PCDHGA9: variants seen among roughly 807,000 people sequenced by gnomAD.
PCDHGA9 encodes protocadherin gamma-A9.
PCDHGA9 carries 37 observed loss-of-function variants against 62.5 expected under a neutral mutation model. The ratio of observed to expected loss-of-function variants is 0.59; its 90% CI spans 0.46 to 0.78. PCDHGA9 has a LOEUF of 0.78. Ranked by LOEUF, PCDHGA9 falls within the 30% of genes least tolerant of loss-of-function variation. The pLI is 0.00. For synonymous variants in PCDHGA9, 459 were observed against 484.6 expected (o/e 0.95, Z 0.69); for missense variants, 1,138 against 1,166.2 (o/e 0.98, Z 0.35).
chr5:141,418,693 T>G, intron 1 of PCDHGA9: 1 of 1,614,040 alleles, frequency 6.2e-7, no homozygotes, highest in Admixed American at 1.7e-5. Flanking sequence ...CAGAGATCAC[T>G]TATTCCTTCT....
intron 1 of PCDHGA9, chr5:141,405,646 T>G: frequency 1.9e-6 from 1 of 526,208 alleles, no homozygotes; most frequent in East Asian, 3.2e-5. Flanking sequence ...GGCTAATTTT[T>G]TGTGTGTTTT....
In PCDHGA9 at chr5:141,432,293, G is replaced by T. The variant is rs765631138; in HGVS notation, c.2424+26917G>T. ...CTACGTGTCCATCAACTCCGACACT[G>T]GGGTACTGTATGCGCTGAGCTCCTT... On this transcript the variant is annotated intron_variant, in intron 1 of 3. Coordinates refer to ENST00000573521, the MANE Select transcript of PCDHGA9 (RefSeq NM_018921.3). The surrounding 1 kb of genome is among the most constrained non-coding windows in gnomAD (Gnocchi z 6.0). 1.2e-6 allele frequency: 2 copies of T among 1,614,136 alleles called. No individual in the cohort carries two copies. Among genetic ancestry groups the T allele is most frequent in the African/African-American group, 1.3e-5 (1 of 74,950 alleles).
chr5:141,423,085 G>A, intron 1 of PCDHGA9: 1 of 1,614,072 alleles, frequency 6.2e-7, no homozygotes, highest in Non-Finnish European at 8.5e-7. Flanking sequence ...ACTCTTCGCG[G>A]TGGGGGAGCA....
intron 1 of PCDHGA9, among the ~76,000 whole-genome samples, chr5:141,448,007 AC>A (rs1430481139): frequency 1.3e-5 from 2 of 151,784 alleles, no homozygotes; most frequent in Non-Finnish European, 2.9e-5. Context: ...AATCGCTTGA[AC>A]CCAGGAGGTG....
At chr5:141,453,420 C>A (rs2098764964) in intron 1 of PCDHGA9, among the ~76,000 whole-genome samples, 1 of 152,054 alleles carries the variant, frequency 6.6e-6, no homozygotes, top group African/African-American at 2.4e-5. Context: ...GCATAAGCCA[C>A]CACACCTAGC....
intron 1 of PCDHGA9, chr5:141,441,346 G>A (rs1265971154): frequency 2.0e-5 from 3 of 152,340 alleles, no homozygotes; most frequent in African/African-American, 7.2e-5. Context: ...TTAACTACAT[G>A]CTTGTAACAA....
intron 1 of PCDHGA9, chr5:141,408,464 A>C (rs764186219): frequency 6.2e-7 from 1 of 1,613,934 alleles, no homozygotes; most frequent in South Asian, 1.1e-5. Context: ...ACTTGTGAAG[A>C]ACCGAATAGA....
At chr5:141,427,963 T>C (rs1289642441) in intron 1 of PCDHGA9, 1 of 1,589,380 alleles carries the variant, frequency 6.3e-7, no homozygotes, top group East Asian at 2.2e-5. Flanking sequence ...GTGCCGCGGG[T>C]GCTGTACCCC....
chr5:141,499,616 C>T (rs538268323), intron 2 of PCDHGA9, among the ~76,000 whole-genome samples: 2 of 152,058 alleles, frequency 1.3e-5, no homozygotes, highest in South Asian at 4.2e-4. Context: ...CTTATCCTGT[C>T]CTTGGATTCT....
Position 141,476,264 on chromosome 5 carries a change from G to C in PCDHGA9, c.2425-18543G>C, listed in dbSNP as rs753184649. The C allele has an allele frequency of 6.2e-7, 1 of 1,614,082 alleles. No individual in the cohort carries two copies. Among genetic ancestry groups the C allele is most frequent in the Non-Finnish European group, 8.5e-7 (1 of 1,180,010 alleles). On this transcript the variant is annotated intron_variant, in intron 1 of 3. Transcript: ENST00000573521. This position sits in a 1 kb window ranked among gnomAD's most constrained non-coding sequence, Gnocchi z 7.6. ...AGAGAAGGGTTTCGCTGTGGGCAAC[G>C]TGGTCGCGAACCTTGGTTTGGATCT...
intron 1 of PCDHGA9, chr5:141,419,126 G>A: frequency 6.2e-7 from 1 of 1,613,770 alleles, no homozygotes; most frequent in Non-Finnish European, 8.5e-7. Context: ...CGTCACCATC[G>A]CAGCCACAGA....
chr5:141,489,211 A>G lies in PCDHGA9; in HGVS notation c.2425-5596A>G, dbSNP rs1206929838. On this transcript the variant is annotated intron_variant, in intron 1 of 3. Coordinates refer to ENST00000573521, the MANE Select transcript of PCDHGA9 (RefSeq NM_018921.3). This position sits in a 1 kb window ranked among gnomAD's most constrained non-coding sequence, Gnocchi z 4.5. The stretch of plus-strand genomic sequence containing the variant: ...CTACCTTGGAGACAGGACAGCACAG[A>G]CTTACTCTCCACAAAGGGACTTCTG... 2 of 1,462,498 alleles carry G rather than the reference A, an allele frequency of 1.4e-6. No individual in the cohort carries two copies. Among genetic ancestry groups the G allele is most frequent in the Non-Finnish European group, 1.8e-6 (2 of 1,081,560 alleles). The allele number at this position is 1,462,498 out of a possible 1,614,324, so 90.6% of individuals were successfully genotyped here. A position where few individuals can be genotyped will look rare whatever the true frequency, so the allele number is the denominator to read the frequency against.
chr5:141,416,053 A>T (rs2095987443), intron 1 of PCDHGA9: 1 of 181,266 alleles, frequency 5.5e-6, no homozygotes, highest in South Asian at 1.8e-4. Flanking sequence ...CACAACCCAA[A>T]TCCAAGAATA....
intron 1 of PCDHGA9, chr5:141,430,693 C>A: frequency 1.4e-6 from 2 of 1,425,428 alleles, no homozygotes; most frequent in Admixed American, 2.6e-5. Context: ...ATTCTATGGG[C>A]GAAGGAACTG....
In PCDHGA9 at chr5:141,420,606, G is replaced by A. The variant is rs141099124; in HGVS notation, c.2424+15230G>A. On this transcript the variant is annotated intron_variant, in intron 1 of 3. Coordinates refer to ENST00000573521, the MANE Select transcript of PCDHGA9 (RefSeq NM_018921.3). Reference sequence around the variant, plus strand: ...CCTGATGCTACTCAATTTTTCTCAAGTATTTCATCTTCATTTACTCAATAA... The same window carrying A: ...CCTGATGCTACTCAATTTTTCTCAAATATTTCATCTTCATTTACTCAATAA... Among the ~76,000 whole-genome samples the A allele has an allele frequency of 2.7e-3, 411 of 152,256 alleles. 1 individual carries two copies. Among genetic ancestry groups the A allele is most frequent in the African/African-American group, 9.4e-3 (392 of 41,546 alleles).
chr5:141,491,332 C>T lies in PCDHGA9; in HGVS notation c.2425-3475C>T, dbSNP rs1013118722. 2 of 1,614,072 alleles carry T rather than the reference C, an allele frequency of 1.2e-6. No individual in the cohort carries two copies. The highest frequency in any genetic ancestry group is 2.7e-5 in the African/African-American group (2 of 74,944). On this transcript the variant is annotated intron_variant, in intron 1 of 3. Coordinates refer to ENST00000573521, the MANE Select transcript of PCDHGA9 (RefSeq NM_018921.3). This position sits in a 1 kb window ranked among gnomAD's most constrained non-coding sequence, Gnocchi z 6.9. ...CCTTACCCTTTACCTCATTGTGGCT[C>T]TAGCGACCGTCAGTCTCTTATCCCT...
rs1404533394 is a variant in PCDHGA9, at chr5:141,491,708, G to T, written c.2425-3099G>T. ...CTGCGGGAGCGGAGCCAGGTGAGGG[G>T]CTCGGCGCCGCCCCGGGCGACCCCT... On this transcript the variant is annotated intron_variant, in intron 1 of 3. Transcript: ENST00000573521. The surrounding 1 kb of genome is among the most constrained non-coding windows in gnomAD (Gnocchi z 6.9). 1 of 1,610,132 alleles carries T rather than the reference G, an allele frequency of 6.2e-7. No individual in the cohort carries two copies. Among genetic ancestry groups the T allele is most frequent in the Admixed American group, 1.7e-5 (1 of 59,518 alleles).
chr5:141,435,591 T>G (rs1197622032), intron 1 of PCDHGA9, among the ~76,000 whole-genome samples: 1 of 152,206 alleles, frequency 6.6e-6, no homozygotes, highest in Admixed American at 6.5e-5. Flanking sequence ...TGCAGTAATA[T>G]CGCCTGCTTT....
At chr5:141,422,984 G>T in intron 1 of PCDHGA9, 2 of 1,614,230 alleles carry the variant, frequency 1.2e-6, no homozygotes, top group Non-Finnish European at 1.7e-6. Flanking sequence ...GCGGAACCTG[G>T]CTACCTGGTG....
Sources: gnomAD v4.1 joint callset for allele counts (sites outside exome capture counted in the v4.1 genomes callset) on GRCh38, gnomAD v4.1.1 for gene constraint, Gnocchi (gnomAD v3.1) non-coding constraint, MANE v1.5 for transcripts, NCBI Gene and HGNC (gene_info 2026-07-23, HGNC 2026-07-21) for gene names.